Variants in IMMP2L observed in about 807,000 individuals in gnomAD.
IMMP2L encodes inner mitochondrial membrane peptidase subunit 2, also known as mitochondrial inner membrane protease subunit 2.
A neutral mutation model predicts 19.3 loss-of-function variants in IMMP2L; 18 were observed. That is an observed-to-expected ratio of 0.93 (90% CI 0.64 to 1.38). The LOEUF is 1.38. IMMP2L is among the 40% of genes most tolerant of loss of function. IMMP2L has a pLI of 0.00. For synonymous variants in IMMP2L, 76 were observed against 73.0 expected, an observed-to-expected ratio of 1.04 and a Z score of -0.21; for missense variants, 233 against 218.2, an observed-to-expected ratio of 1.07 and a Z score of -0.43.
chr7:111,186,413 A>G (rs748948476), intron 3 of IMMP2L, among the ~76,000 whole-genome samples: 14 of 151,340 alleles, frequency 9.3e-5, no homozygotes, highest in Non-Finnish European at 1.9e-4. Context: ...AGCATCTAGA[A>G]CCATATCTTT....
intron 3 of IMMP2L, among the ~76,000 whole-genome samples, chr7:110,981,164 T>C (rs1821254517): frequency 6.6e-6 from 1 of 152,308 alleles, no homozygotes; most frequent in South Asian, 2.1e-4. Context: ...TACTGTGTGT[T>C]TGACAAGGTG....
intron 3 of IMMP2L, among the ~76,000 whole-genome samples, chr7:111,203,775 T>C (rs1198589961): frequency 6.6e-6 from 1 of 151,966 alleles, no homozygotes; most frequent in South Asian, 2.1e-4. Flanking sequence ...GGGGTATTTA[T>C]GCAGTATAAT....
chr7:111,058,506 A>G (rs1793715830), intron 3 of IMMP2L, among the ~76,000 whole-genome samples: 1 of 152,226 alleles, frequency 6.6e-6, no homozygotes, highest in African/African-American at 2.4e-5. Context: ...ATAGAATCAC[A>G]AATAACACAA....
At chr7:111,313,259 T>G (rs570750657) in intron 3 of IMMP2L, among the ~76,000 whole-genome samples, 100 of 152,238 alleles carry the variant, frequency 6.6e-4, no homozygotes, top group Admixed American at 4.4e-3. Context: ...AATAGCTGCT[T>G]CTTCTCTCCT....
intron 3 of IMMP2L, among the ~76,000 whole-genome samples, chr7:111,437,550 C>T (rs912691967): frequency 7.9e-5 from 12 of 151,792 alleles, no homozygotes; most frequent in Non-Finnish European, 1.3e-4. Flanking sequence ...AACGCAAAAA[C>T]GATAACGTCT....
At chr7:111,095,524 T>C (rs1366321357) in intron 3 of IMMP2L, among the ~76,000 whole-genome samples, 1 of 152,004 alleles carries the variant, frequency 6.6e-6, no homozygotes, top group Non-Finnish European at 1.5e-5. Flanking sequence ...GAAGCAACGA[T>C]TTATTAAGTA....
chr7:111,101,215 A>C (rs918679225), intron 3 of IMMP2L, among the ~76,000 whole-genome samples: 1 of 151,660 alleles, frequency 6.6e-6, no homozygotes, highest in African/African-American at 2.4e-5. Flanking sequence ...TTCTAAGATA[A>C]TATCTTACCA....
At chr7:111,442,318 G>T (rs907791119) in intron 3 of IMMP2L, among the ~76,000 whole-genome samples, 3 of 151,728 alleles carry the variant, frequency 2.0e-5, no homozygotes, top group African/African-American at 7.3e-5. Flanking sequence ...TACTTCCTTA[G>T]TGGAACTGTA....
At chr7:110,767,794 G>C (rs550403317) in intron 5 of IMMP2L, among the ~76,000 whole-genome samples, 1 of 152,126 alleles carries the variant, frequency 6.6e-6, no homozygotes, top group African/African-American at 2.4e-5. Context: ...ACAGCCAGGA[G>C]GGTTTTTCTA....
intron 3 of IMMP2L, among the ~76,000 whole-genome samples, chr7:111,078,714 T>A (rs1198935738): frequency 1.3e-5 from 2 of 151,904 alleles, no homozygotes; most frequent in Non-Finnish European, 2.9e-5. Context: ...GCTGTGGTAT[T>A]TTTTATTTTT....
At chr7:111,086,261 A>C (rs1796320383) in intron 3 of IMMP2L, among the ~76,000 whole-genome samples, 1 of 146,776 alleles carries the variant, frequency 6.8e-6, no homozygotes, top group South Asian at 2.1e-4. Context: ...CAAAGAAAAA[A>C]AAAAGAAAAA....
intron 5 of IMMP2L, among the ~76,000 whole-genome samples, chr7:110,821,810 C>G (rs1054447589): frequency 6.6e-6 from 1 of 152,036 alleles, no homozygotes; most frequent in African/African-American, 2.4e-5. Flanking sequence ...GTAATCCCAG[C>G]TACTTGGAAG....
intron 3 of IMMP2L, among the ~76,000 whole-genome samples, chr7:111,210,034 G>A (rs922105320): frequency 2.6e-5 from 4 of 152,210 alleles, no homozygotes; most frequent in Middle Eastern, 3.4e-3. Context: ...TCTCTTCTCC[G>A]TGTCCTCTCC....
chr7:111,195,814 GTTTAT>G (rs1016033669), intron 3 of IMMP2L, among the ~76,000 whole-genome samples: 161 of 8,308 alleles, frequency 0.019, no homozygotes, highest in South Asian at 0.037. Context: ...AATTTTTATT[GTTTAT>G]TTTATTTTAT....
intron 4 of IMMP2L, among the ~76,000 whole-genome samples, chr7:110,940,873 A>C (rs1816668494): frequency 6.6e-6 from 1 of 152,130 alleles, no homozygotes; most frequent in African/African-American, 2.4e-5. Flanking sequence ...GAACTTGCAA[A>C]GTCTTTATGA....
At chr7:111,308,879 T>C (rs965051184) in intron 3 of IMMP2L, among the ~76,000 whole-genome samples, 2 of 152,006 alleles carry the variant, frequency 1.3e-5, no homozygotes, top group African/African-American at 2.4e-5. Context: ...ACAAGTACCA[T>C]GTGCCACCTT....
chr7:111,368,206 C>T (rs532249394), intron 3 of IMMP2L, among the ~76,000 whole-genome samples: 17 of 151,798 alleles, frequency 1.1e-4, no homozygotes, highest in African/African-American at 3.9e-4. Context: ...TGTCATTTTA[C>T]GGCAGCCCAG....
At chr7:111,238,090 C>T (rs1814553971) in intron 3 of IMMP2L, among the ~76,000 whole-genome samples, 2 of 152,018 alleles carry the variant, frequency 1.3e-5, no homozygotes, top group Non-Finnish European at 1.5e-5. Context: ...TATTCTCAAA[C>T]ATTAAGGTCA....
At chr7:111,439,103 A>G (rs1297084541) in intron 3 of IMMP2L, among the ~76,000 whole-genome samples, 1 of 151,788 alleles carries the variant, frequency 6.6e-6, no homozygotes, top group Non-Finnish European at 1.5e-5. Context: ...ACTACTACAA[A>G]TCATTCTGTC....
Sources: allele counts gnomAD v4.1 joint callset (sites outside exome capture counted in the v4.1 genomes callset), GRCh38; gene constraint gnomAD v4.1.1; transcripts MANE v1.5; gene names NCBI Gene and HGNC (gene_info 2026-07-23, HGNC 2026-07-21).